Variants in ZNF385D observed in about 807,000 individuals in gnomAD.
The protein encoded by ZNF385D is zinc finger protein 385D, also known as zinc finger protein 659.
Under a neutral mutation model 35.8 loss-of-function variants are expected in ZNF385D, and 15 were observed. The ratio of observed to expected loss-of-function variants is 0.42; its 90% CI spans 0.28 to 0.64. The LOEUF (loss-of-function observed/expected upper bound fraction) is 0.64. ZNF385D is among the 30% of genes least tolerant of loss of function. The pLI is 0.23. For synonymous variants in ZNF385D, 212 were observed against 186.8 expected (o/e 1.13, Z -1.10); for missense variants, 474 against 494.6 (o/e 0.96, Z 0.39).
chr3:21,981,948 C>A (rs1228142544), intron 3 of ZNF385D, among the ~76,000 whole-genome samples: 4 of 152,000 alleles, frequency 2.6e-5, no homozygotes, highest in Admixed American at 6.6e-5. Context: ...TAGTACCATG[C>A]TGTTTTTGTT....
chr3:21,795,729 T>C (rs1199301560), intron 3 of ZNF385D, among the ~76,000 whole-genome samples: 1 of 152,158 alleles, frequency 6.6e-6, no homozygotes, highest in Non-Finnish European at 1.5e-5. Flanking sequence ...CTCTGGCTAC[T>C]TGGCAAACAA....
intron 3 of ZNF385D, among the ~76,000 whole-genome samples, chr3:21,794,021 GA>G (rs1438930096): frequency 6.6e-6 from 1 of 152,134 alleles, no homozygotes; most frequent in African/African-American, 2.4e-5. Flanking sequence ...AAGGATCAGG[GA>G]CATAAGATGG....
intron 3 of ZNF385D, among the ~76,000 whole-genome samples, chr3:21,547,161 G>C (rs9873446): frequency 0.54 from 81,467 of 151,818 alleles, 22,036 homozygotes; most frequent in East Asian, 0.63. Context: ...TACTATGGGA[G>C]ACTCCCCTCA....
In ZNF385D at chr3:22,073,243, A is replaced by G. The variant is rs184783148; in HGVS notation, c.325+95574T>C. 8.6e-5 allele frequency among the ~76,000 whole-genome samples: 13 copies of G among 152,012 alleles called. No homozygotes were observed. In the East Asian group the frequency reaches 2.3e-3, roughly 27 times the overall value. On this transcript the variant is annotated intron_variant, in intron 3 of 5. Transcript: ENST00000494108. ...AAATCATCATTTGCAGACAAATCTA[A>G]TAAGATTTCCCTTTTGGATTCCTGC...
chr3:21,437,807 A>T (rs1701647692), intron 4 of ZNF385D, among the ~76,000 whole-genome samples: 1 of 152,002 alleles, frequency 6.6e-6, no homozygotes, highest in Non-Finnish European at 1.5e-5. Context: ...ATTCAACACA[A>T]GGTACAAAAA....
Position 21,801,274 on chromosome 3 carries a change from T to G in ZNF385D, c.326-136246A>C, listed in dbSNP as rs1026898417. ...GTGTGTCAGTATTCATTAGACATAT[T>G]AGTCTATAGTTTTCTTTTGATGTCT... is the stretch of plus-strand genomic sequence containing the variant. On this transcript the variant is annotated intron_variant, in intron 3 of 5. Coordinates refer to the ZNF385D transcript ENST00000494108. Among the ~76,000 whole-genome samples the G allele has an allele frequency of 4.6e-5, 7 of 152,170 alleles. No individual in the cohort carries two copies. The East Asian group carries it at 1.3e-3, about 29-fold the overall frequency.
At chr3:22,327,123 T>C (rs9865626) in intron 2 of ZNF385D, among the ~76,000 whole-genome samples, 35,455 of 152,012 alleles carry the variant, frequency 0.23, 4,275 homozygotes, top group East Asian at 0.27. Context: ...ATTCTGAAGA[T>C]TGTCGGAAAG....
chr3:21,960,492 T>C (rs1702529432), intron 3 of ZNF385D, among the ~76,000 whole-genome samples: 1 of 152,006 alleles, frequency 6.6e-6, no homozygotes, highest in Non-Finnish European at 1.5e-5. Context: ...TTGGTGGAAA[T>C]GTAATTAGGA....
At chr3:21,975,845 A>C (rs1703584538) in intron 3 of ZNF385D, among the ~76,000 whole-genome samples, 1 of 151,798 alleles carries the variant, frequency 6.6e-6, no homozygotes, top group African/African-American at 2.4e-5. Context: ...GAGATTGGCA[A>C]TCAATACCTG....
At chr3:21,428,321 C>G (rs114968991) in intron 5 of ZNF385D, among the ~76,000 whole-genome samples, 164 of 152,090 alleles carry the variant, frequency 1.1e-3, no homozygotes, top group African/African-American at 3.8e-3. Context: ...TTATTATCCC[C>G]ATTTAGGAGA....
intron 3 of ZNF385D, among the ~76,000 whole-genome samples, chr3:22,006,902 G>C (rs181433233): frequency 6.6e-6 from 1 of 152,000 alleles, no homozygotes; most frequent in East Asian, 1.9e-4. Context: ...TGTTTTATAA[G>C]TCATTTAAGG....
chr3:21,736,623 C>A (rs1041786970), intron 1 of ZNF385D, among the ~76,000 whole-genome samples: 1 of 152,156 alleles, frequency 6.6e-6, no homozygotes, highest in African/African-American at 2.4e-5. Flanking sequence ...AAGCACAGGA[C>A]GTCTTTCAAC....
chr3:21,492,736 A>T (rs1442938663), intron 4 of ZNF385D, among the ~76,000 whole-genome samples: 1 of 151,628 alleles, frequency 6.6e-6, no homozygotes, highest in Non-Finnish European at 1.5e-5. Context: ...GTGAGCCAAC[A>T]TCGTGCCACT....
At chr3:22,238,682 GTGTA>G (rs1360059698) in intron 2 of ZNF385D, among the ~76,000 whole-genome samples, 3 of 150,632 alleles carry the variant, frequency 2.0e-5, no homozygotes, top group Non-Finnish European at 4.4e-5. Flanking sequence ...AATGGTTTAT[GTGTA>G]TGTATTTGTG....
At chr3:21,463,115 G>T (rs1448200833) in intron 4 of ZNF385D, among the ~76,000 whole-genome samples, 2 of 152,036 alleles carry the variant, frequency 1.3e-5, no homozygotes, top group South Asian at 2.1e-4. Context: ...AAGGTAAAAT[G>T]ATATTAAGAG....
At chr3:21,960,071 C>T (rs1405712318) in intron 3 of ZNF385D, among the ~76,000 whole-genome samples, 1 of 147,838 alleles carries the variant, frequency 6.8e-6, no homozygotes, top group Admixed American at 6.7e-5. Flanking sequence ...CAAAAATCTT[C>T]TGTACAGCCA....
intron 3 of ZNF385D, among the ~76,000 whole-genome samples, chr3:21,798,523 C>A (rs552642940): frequency 1.3e-5 from 2 of 152,254 alleles, no homozygotes; most frequent in African/African-American, 2.4e-5. Context: ...GCGTCTGCTG[C>A]AGTTTCTTGT....
chr3:22,129,603 TA>T (rs1357312664), intron 3 of ZNF385D, among the ~76,000 whole-genome samples: 2 of 152,152 alleles, frequency 1.3e-5, no homozygotes, highest in Non-Finnish European at 2.9e-5. Flanking sequence ...CCCACGGCCA[TA>T]ACTGACCCAG....
intron 3 of ZNF385D, among the ~76,000 whole-genome samples, chr3:22,010,188 G>T (rs1216507870): frequency 6.6e-6 from 1 of 152,174 alleles, no homozygotes; most frequent in Non-Finnish European, 1.5e-5. Context: ...TTAAAAAGCA[G>T]CTTGGATGAC....
Sources: gnomAD v4.1 joint callset for allele counts (sites outside exome capture counted in the v4.1 genomes callset) on GRCh38, gnomAD v4.1.1 for gene constraint, MANE v1.5 for transcripts, NCBI Gene and HGNC (gene_info 2026-07-23, HGNC 2026-07-21) for gene names.